Variants in MACROD2 observed in about 807,000 individuals in gnomAD.
MACROD2 encodes the protein ADP-ribose glycohydrolase MACROD2.
MACROD2 carries 36 observed loss-of-function variants against 70.4 expected under a neutral mutation model. That is an observed-to-expected ratio of 0.51 (90% CI 0.39 to 0.68). The LOEUF (loss-of-function observed/expected upper bound fraction) is 0.68. Among genes scored for constraint, MACROD2 ranks in the 30% least tolerant of loss-of-function variants. MACROD2 has a pLI of 0.00. For missense variants in MACROD2, 496 were observed against 538.4 expected (o/e 0.92, Z 0.78); for synonymous variants, 172 against 178.8 (o/e 0.96, Z 0.30).
intron 3 of MACROD2, among the ~76,000 whole-genome samples, chr20:14,353,194 G>C (rs2083140958): frequency 6.6e-6 from 1 of 152,044 alleles, no homozygotes; most frequent in Admixed American, 6.6e-5. Context: ...CCAACTTGTT[G>C]CTTTATAGTG....
intron 3 of MACROD2, among the ~76,000 whole-genome samples, chr20:14,443,941 G>T (rs1234568546): frequency 2.6e-5 from 4 of 152,082 alleles, no homozygotes; most frequent in African/African-American, 9.7e-5. Context: ...CTAAGTGGTT[G>T]CTACTATTGT....
At chr20:14,932,582 C>T (rs2248937) in intron 5 of MACROD2, among the ~76,000 whole-genome samples, 54,275 of 151,806 alleles carry the variant, frequency 0.36, 10,108 homozygotes, top group East Asian at 0.52. Context: ...TTTTGTTTTT[C>T]TGAGATAGAG....
At chr20:14,497,569 C>T (rs7269525) in intron 4 of MACROD2, among the ~76,000 whole-genome samples, 23,345 of 151,314 alleles carry the variant, frequency 0.15, 2,181 homozygotes, top group East Asian at 0.37. Context: ...TAATAGTTAA[C>T]ACAAAACTAG....
chr20:14,317,931 G>A (rs1017549980), intron 3 of MACROD2, among the ~76,000 whole-genome samples: 2 of 152,156 alleles, frequency 1.3e-5, no homozygotes, highest in African/African-American at 2.4e-5. Context: ...CAGCAACAAC[G>A]TAATCAGCAG....
Position 15,850,629 on chromosome 20 carries a change from A to G in MACROD2, c.646-12116A>G, listed in dbSNP as rs184974748. Among the ~76,000 whole-genome samples, 4 of 152,350 alleles carry G rather than the reference A, an allele frequency of 2.6e-5. No individual in the cohort carries two copies. In the East Asian group the frequency reaches 7.7e-4, roughly 29 times the overall value. ...GGATCTACCTAGCATTAGGCAAGAT[A>G]GACATCTGCAGAGATGTGTCTTGGC... On this transcript the variant is annotated intron_variant, in intron 8 of 17. Coordinates refer to ENST00000684519, the MANE Select transcript of MACROD2 (RefSeq NM_001351661.2).
intron 3 of MACROD2, among the ~76,000 whole-genome samples, chr20:14,216,038 T>C (rs1347437726): frequency 6.6e-6 from 1 of 152,106 alleles, no homozygotes. Flanking sequence ...ATTTATCTTT[T>C]TTTTTATTGC....
At chr20:14,528,444 G>A (rs761185179) in intron 4 of MACROD2, among the ~76,000 whole-genome samples, 9 of 151,860 alleles carry the variant, frequency 5.9e-5, no homozygotes, top group Middle Eastern at 3.4e-3. Flanking sequence ...GTGAGCCACC[G>A]TGCCTGGACT....
intron 6 of MACROD2, among the ~76,000 whole-genome samples, chr20:15,366,654 A>G (rs908330895): frequency 3.7e-4 from 56 of 151,638 alleles, no homozygotes; most frequent in African/African-American, 1.4e-3. Context: ...AGTCTCAATC[A>G]ATCCTCCTGC....
At chr20:14,580,380 T>C (rs1980927198) in intron 4 of MACROD2, among the ~76,000 whole-genome samples, 1 of 152,206 alleles carries the variant, frequency 6.6e-6, no homozygotes, top group African/African-American at 2.4e-5. Context: ...TCCATTATCT[T>C]GGTTACTCCA....
intron 5 of MACROD2, among the ~76,000 whole-genome samples, chr20:15,164,898 C>T (rs78684731): frequency 0.07 from 10,523 of 151,372 alleles, 491 homozygotes; most frequent in Non-Finnish European, 0.11. Context: ...AAGACTGTCT[C>T]TAAAAAAATA....
chr20:16,035,069 ATAAAATATAATATG>A (rs1222312470), intron 15 of MACROD2, among the ~76,000 whole-genome samples: 20 of 27,530 alleles, frequency 7.3e-4, no homozygotes, highest in African/African-American at 1.2e-3. Flanking sequence ...AATATTATAT[ATAAAATATAATATG>A]TAATATAAAA....
At chr20:15,071,280 A>G (rs2075617429) in intron 5 of MACROD2, among the ~76,000 whole-genome samples, 1 of 152,212 alleles carries the variant, frequency 6.6e-6, no homozygotes, top group South Asian at 2.1e-4. Flanking sequence ...TGATTCCACT[A>G]AATCAGCGAG....
chr20:15,769,583 C>T lies in MACROD2; in HGVS notation c.646-93162C>T, dbSNP rs2051587726. ...ATAATTGTGCAATGATAATAGTGCA[C>T]ATGAGTAGTTGTGCTCTGACATTAT... On this transcript the variant is annotated intron_variant, in intron 8 of 17. Transcript: ENST00000684519. 2.6e-5 allele frequency among the ~76,000 whole-genome samples: 4 copies of T among 152,090 alleles called. No individual in the cohort carries two copies. In the South Asian group the frequency reaches 8.3e-4, roughly 32 times the overall value.
chr20:15,226,976 T>C (rs190960828), intron 5 of MACROD2, among the ~76,000 whole-genome samples: 1 of 152,312 alleles, frequency 6.6e-6, no homozygotes, highest in Admixed American at 6.5e-5. Context: ...TAGTTACTCA[T>C]AAGTACTATG....
At chr20:15,138,133 T>A (rs750699975) in intron 5 of MACROD2, among the ~76,000 whole-genome samples, 2 of 152,180 alleles carry the variant, frequency 1.3e-5, no homozygotes, top group Admixed American at 6.5e-5. Context: ...ATTTTAATAC[T>A]TCTGTAGAGA....
At chr20:14,077,248 T>C (rs1033115561) in intron 2 of MACROD2, among the ~76,000 whole-genome samples, 1 of 152,186 alleles carries the variant, frequency 6.6e-6, no homozygotes, top group African/African-American at 2.4e-5. Context: ...TAAACCTAAG[T>C]TTGAGTTTAT....
At position 14,185,150 on chromosome 20, in the gene MACROD2, G is replaced by A. The variant is rs118131709; in HGVS notation, c.271+99422G>A. On this transcript the variant is annotated intron_variant, in intron 3 of 17. Coordinates refer to ENST00000684519, the MANE Select transcript of MACROD2 (RefSeq NM_001351661.2). The stretch of plus-strand genomic sequence containing the variant: ...ATCAATTCAATGCATTGTAGTACAG[G>A]GAAGAATCTAGCATTTACCCCCTTT... Among the ~76,000 whole-genome samples, 43 of 152,092 alleles carry A rather than the reference G, an allele frequency of 2.8e-4. No individual in the cohort carries two copies. The East Asian group carries it at 7.5e-3, about 27-fold the overall frequency.
At chr20:14,875,242 G>A (rs1002664554) in intron 5 of MACROD2, among the ~76,000 whole-genome samples, 6 of 151,864 alleles carry the variant, frequency 4.0e-5, no homozygotes, top group Admixed American at 6.6e-5. Flanking sequence ...TTAGCCAGGC[G>A]TGGTGGCACG....
intron 5 of MACROD2, among the ~76,000 whole-genome samples, chr20:14,971,742 A>C (rs780650738): frequency 1.3e-5 from 2 of 152,052 alleles, no homozygotes; most frequent in Non-Finnish European, 2.9e-5. Flanking sequence ...CAGGTGTGAC[A>C]TTTACATAGC....
Sources: allele counts gnomAD v4.1 joint callset (sites outside exome capture counted in the v4.1 genomes callset), GRCh38; gene constraint gnomAD v4.1.1; transcripts MANE v1.5; gene names NCBI Gene and HGNC (gene_info 2026-07-23, HGNC 2026-07-21).